Variants in CADM2 observed in about 807,000 individuals in gnomAD.
CADM2 encodes immunoglobulin superfamily member 4D.
A neutral mutation model predicts 49.8 loss-of-function variants in CADM2; 12 were observed. The ratio of observed to expected loss-of-function variants is 0.24; its 90% confidence interval spans 0.15 to 0.39. The LOEUF is 0.39. Among genes scored for constraint, CADM2 ranks in the 10% least tolerant of loss-of-function variants. CADM2 has a pLI of 1.00. For missense variants in CADM2, 378 were observed against 492.3 expected, an observed-to-expected ratio of 0.77 and a Z score of 2.20; for synonymous variants, 214 against 175.4, an observed-to-expected ratio of 1.22 and a Z score of -1.74.
At chr3:85,709,920 G>A (rs1037537260) in intron 1 of CADM2, among the ~76,000 whole-genome samples, 6 of 152,126 alleles carry the variant, frequency 3.9e-5, no homozygotes, top group African/African-American at 1.4e-4. Flanking sequence ...TACGCTGTAA[G>A]TGCTGTAAAT....
intron 1 of CADM2, among the ~76,000 whole-genome samples, chr3:85,391,326 T>C (rs1173769215): frequency 6.6e-6 from 1 of 151,978 alleles, no homozygotes; most frequent in Non-Finnish European, 1.5e-5. Flanking sequence ...AAAGAGGACA[T>C]AGAAGAATGC....
At chr3:85,253,014 A>G (rs1301234030) in intron 1 of CADM2, among the ~76,000 whole-genome samples, 1 of 152,120 alleles carries the variant, frequency 6.6e-6, no homozygotes, top group Non-Finnish European at 1.5e-5. Flanking sequence ...AACTCTACTA[A>G]TGATTACAGT....
chr3:85,537,241 T>G (rs1319923678), intron 1 of CADM2, among the ~76,000 whole-genome samples: 18 of 152,106 alleles, frequency 1.2e-4, no homozygotes, highest in Admixed American at 1.2e-3. Flanking sequence ...ATGTTGAAAT[T>G]GCTAATACAG....
chr3:85,552,366 G>GTTTT (rs36014885), intron 1 of CADM2, among the ~76,000 whole-genome samples: 23 of 87,574 alleles, frequency 2.6e-4, no homozygotes, highest in African/African-American at 8.8e-4. Context: ...ACTTTGAAAA[G>GTTTT]TTTTTTTTTT....
intron 1 of CADM2, among the ~76,000 whole-genome samples, chr3:85,201,940 G>A (rs552053283): frequency 6.6e-6 from 1 of 151,830 alleles, no homozygotes; most frequent in South Asian, 2.1e-4. Context: ...AATTCGTTGG[G>A]CTTGTGGTAT....
At chr3:86,014,674 G>A (rs1038564634) in intron 8 of CADM2, 31 of 1,552,058 alleles carry the variant, frequency 2.0e-5, no homozygotes, top group Admixed American at 3.6e-5. Flanking sequence ...TCAGTCATGG[G>A]ACAACTCAAA....
intron 1 of CADM2, among the ~76,000 whole-genome samples, chr3:85,468,545 T>C (rs1041988287): frequency 2.6e-5 from 4 of 152,004 alleles, no homozygotes; most frequent in African/African-American, 9.7e-5. Flanking sequence ...CAATGTTTAA[T>C]GTTAAAAGTA....
At chr3:85,450,369 G>A (rs1213709556) in intron 1 of CADM2, among the ~76,000 whole-genome samples, 2 of 151,960 alleles carry the variant, frequency 1.3e-5, no homozygotes, top group African/African-American at 4.8e-5. Flanking sequence ...ATATAAATAT[G>A]TACATATACA....
intron 1 of CADM2, among the ~76,000 whole-genome samples, chr3:85,627,419 A>G (rs918719104): frequency 6.6e-6 from 1 of 152,074 alleles, no homozygotes; most frequent in African/African-American, 2.4e-5. Context: ...ATGAATATTC[A>G]TATATATACA....
At chr3:85,942,529 C>T (rs1722066602) in intron 7 of CADM2, among the ~76,000 whole-genome samples, 4 of 142,532 alleles carry the variant, frequency 2.8e-5, no homozygotes, top group African/African-American at 1.0e-4. Context: ...ATTCCCCTTC[C>T]TGTGTCCATG....
intron 1 of CADM2, among the ~76,000 whole-genome samples, chr3:85,021,842 TGTGTTATATTTGTGAAACAC>T (rs1250338517): frequency 6.6e-6 from 1 of 152,204 alleles, no homozygotes; most frequent in Non-Finnish European, 1.5e-5. Flanking sequence ...ATCATCTCTC[TGTGTTATATTTGTGAAACAC>T]GTGTTATAAT....
chr3:85,208,312 A>C (rs1341573637), intron 1 of CADM2, among the ~76,000 whole-genome samples: 2 of 152,192 alleles, frequency 1.3e-5, no homozygotes, highest in Non-Finnish European at 2.9e-5. Flanking sequence ...TTTTAATAAA[A>C]GTACAATTGT....
At chr3:85,979,214 G>T in intron 8 of CADM2, 1 of 1,610,860 alleles carries the variant, frequency 6.2e-7, no homozygotes, top group Non-Finnish European at 8.5e-7. Flanking sequence ...CCTTACCACT[G>T]CAACAGTCAC....
At chr3:85,659,477 C>T (rs1320220918) in intron 1 of CADM2, among the ~76,000 whole-genome samples, 1 of 151,292 alleles carries the variant, frequency 6.6e-6, no homozygotes, top group Non-Finnish European at 1.5e-5. Flanking sequence ...AAAAAGTAAA[C>T]CAAAAAATAA....
intron 2 of CADM2, among the ~76,000 whole-genome samples, chr3:85,764,175 T>C (rs971769278): frequency 7.0e-6 from 1 of 143,846 alleles, no homozygotes; most frequent in Non-Finnish European, 1.6e-5. Context: ...CTAAGTACTA[T>C]ATTATAAGGA....
chr3:85,383,502 C>A lies in CADM2; in HGVS notation c.62-343020C>A, dbSNP rs1018462617. Among the ~76,000 whole-genome samples the A allele has an allele frequency of 2.2e-3, 218 of 97,020 alleles. 3 individuals carry two copies. The highest frequency in any genetic ancestry group is 7.6e-3 in the African/African-American group (197 of 25,756). The allele number at this position is 97,020 out of a possible 152,430, so 63.6% of individuals were successfully genotyped here. A position where few individuals can be genotyped will look rare whatever the true frequency, so the allele number is the denominator to read the frequency against. ...TTAATATAATACTTTATACATAAAA[C>A]CATATATATATATGTATATATATAT... On this transcript the variant is annotated intron_variant, in intron 1 of 9. Coordinates refer to ENST00000383699, the MANE Select transcript of CADM2 (RefSeq NM_001167675.2).
chr3:85,424,900 ACTAGC>A (rs2036331228), intron 1 of CADM2, among the ~76,000 whole-genome samples: 1 of 152,184 alleles, frequency 6.6e-6, no homozygotes, highest in African/African-American at 2.4e-5. Flanking sequence ...GCCTGTATAT[ACTAGC>A]CTTGATATAA....
intron 1 of CADM2, among the ~76,000 whole-genome samples, chr3:85,290,671 G>A (rs2043765707): frequency 6.6e-6 from 1 of 152,190 alleles, no homozygotes. Flanking sequence ...ACCCCCAGCA[G>A]GGGCAGACTG....
At chr3:85,245,076 T>G (rs1019432193) in intron 1 of CADM2, among the ~76,000 whole-genome samples, 3 of 152,080 alleles carry the variant, frequency 2.0e-5, no homozygotes, top group Non-Finnish European at 4.4e-5. Flanking sequence ...CAGACAATCC[T>G]GTACATAAGC....
Sources: gnomAD v4.1 joint callset for allele counts (sites outside exome capture counted in the v4.1 genomes callset) on GRCh38, gnomAD v4.1.1 for gene constraint, MANE v1.5 for transcripts, NCBI Gene and HGNC (gene_info 2026-07-23, HGNC 2026-07-21) for gene names.